Variants in ZNF592 observed in about 807,000 individuals in gnomAD.
ZNF592 encodes the protein zinc finger protein 592, also known as spinocerebellar ataxia, autosomal recessive 5.
A neutral mutation model predicts 80.3 loss-of-function variants in ZNF592; 11 were observed. The observed-to-expected ratio is 0.14, with a 90% CI of 0.09 to 0.23. The LOEUF is 0.23. Among genes scored for constraint, ZNF592 ranks in the 10% least tolerant of loss-of-function variants. ZNF592 has a pLI of 1.00. For synonymous variants in ZNF592, 646 were observed against 640.3 expected (o/e 1.01, Z -0.13); for missense variants, 1,420 against 1,633.9 (o/e 0.87, Z 2.26).
Position 84,778,215 on chromosome 15 carries a change from A to G in ZNF592, c.-117A>G. ...GAGTTTAATAGGCAAGAAGGAAGGG[A>G]GAAGACAGAAGGAAGACGCTCCCCC... On this transcript the variant is annotated 5_prime_UTR_variant, in exon 3 of 11. Transcript: ENST00000560079. The G allele has an allele frequency of 5.4e-6, 1 of 184,444 alleles. No individual in the cohort carries two copies. The highest frequency in any genetic ancestry group is 8.3e-5 in the South Asian group (1 of 12,000). 11.4% of individuals were successfully genotyped at this position (184,444 alleles called of 1,614,324 possible). A position where few individuals can be genotyped will look rare whatever the true frequency, so the allele number is the denominator to read the frequency against.
intron 5 of ZNF592, among the ~76,000 whole-genome samples, chr15:84,797,188 T>C (rs1031368344): frequency 1.3e-5 from 2 of 152,236 alleles, no homozygotes; most frequent in Non-Finnish European, 2.9e-5. Context: ...CTTGAATTCC[T>C]GGCCTCGTGT....
chr15:84,798,082 C>T lies in ZNF592; in HGVS notation c.2576+37C>T. 1.2e-6 allele frequency: 2 copies of T among 1,610,648 alleles called. No homozygotes were observed. Among genetic ancestry groups the T allele is most frequent in the Non-Finnish European group, 1.7e-6 (2 of 1,179,086 alleles). Reference sequence around the variant, plus strand: ...TCCAGGGCCAGCAGGCCCTGTGGAGCAGAGAGGAGTAGCCTGGGTGCTGTA... The same window carrying T: ...TCCAGGGCCAGCAGGCCCTGTGGAGTAGAGAGGAGTAGCCTGGGTGCTGTA... On this transcript the variant is annotated intron_variant, in intron 6 of 10. Coordinates refer to ENST00000560079, the MANE Select transcript of ZNF592 (RefSeq NM_014630.3). This position sits in a 1 kb window ranked among gnomAD's most constrained non-coding sequence, Gnocchi z 4.5.
chr15:84,776,738 A>C (rs1962263171), intron 2 of ZNF592, among the ~76,000 whole-genome samples: 1 of 152,172 alleles, frequency 6.6e-6, no homozygotes, highest in Admixed American at 6.5e-5. Flanking sequence ...CCTGGGTGAC[A>C]GAGCAAGACT....
At chr15:84,755,343 G>T (rs533783497) in intron 1 of ZNF592, among the ~76,000 whole-genome samples, 12 of 151,528 alleles carry the variant, frequency 7.9e-5, no homozygotes, top group African/African-American at 2.9e-4. Flanking sequence ...TATTGCCTAG[G>T]CTAGCCTCAA....
chr15:84,784,994 T>G lies in ZNF592; in HGVS notation c.2220+99T>G. ...AAGCTCATTGATATGGGGGCAGTGGTGGAATCTTATGAGTCTTAGAAGAGG... is the reference window on the plus strand; with the variant it reads ...AAGCTCATTGATATGGGGGCAGTGGGGGAATCTTATGAGTCTTAGAAGAGG... On this transcript the variant is annotated intron_variant, in intron 4 of 10. Coordinates refer to ENST00000560079, the MANE Select transcript of ZNF592 (RefSeq NM_014630.3). This position sits in a 1 kb window ranked among gnomAD's most constrained non-coding sequence, Gnocchi z 5.8. 1 of 1,325,222 alleles carries G rather than the reference T, an allele frequency of 7.5e-7. No homozygotes were observed. Among genetic ancestry groups the G allele is most frequent in the East Asian group, 2.3e-5 (1 of 43,148 alleles). 82.1% of individuals were successfully genotyped at this position (1,325,222 alleles called of 1,614,324 possible).
chr15:84,792,009 C>T (rs74390640), intron 5 of ZNF592, among the ~76,000 whole-genome samples: 17,632 of 152,010 alleles, frequency 0.12, 1,198 homozygotes, highest in Admixed American at 0.16. Context: ...ATATTTGCAG[C>T]AGGGGAGTGA....
chr15:84,782,793 C>T lies in ZNF592; in HGVS notation c.118C>T (p.Pro40Ser), dbSNP rs372898907. The change falls in exon 4 of 11, where the codon CCC becomes TCC. Residue 40 changes from proline to serine, a missense_variant. By Grantham distance (74) the Pro-to-Ser change is moderately conservative. This residue lies in a region of ZNF592 where 373 missense variants were observed against 355.5 expected (regional missense o/e 1.05). Transcript: ENST00000560079. The part of the protein sequence containing the change: ...IQTPSEENES[P>S]LKPPGICMDE... ...GACACCCAGTGAGGAGAATGAGAGT[C>T]CCCTCAAACCTCCAGGCATATGTAT... 5.0e-6 allele frequency: 8 copies of T among 1,614,020 alleles called. No individual in the cohort carries two copies. The South Asian group carries it at 5.5e-5, about 11-fold the overall frequency.
chr15:84,756,261 C>T (rs189456672), intron 1 of ZNF592, among the ~76,000 whole-genome samples: 5 of 152,324 alleles, frequency 3.3e-5, no homozygotes, highest in Non-Finnish European at 5.9e-5. Context: ...GAACATTTTA[C>T]CCACATTGCC....
At chr15:84,773,462 C>T (rs757598511) in intron 2 of ZNF592, among the ~76,000 whole-genome samples, 4 of 152,004 alleles carry the variant, frequency 2.6e-5, no homozygotes, top group South Asian at 2.1e-4. Flanking sequence ...CCACCCGCCT[C>T]GACCTCCCAA....
intron 1 of ZNF592, among the ~76,000 whole-genome samples, chr15:84,756,774 C>G (rs1239482596): frequency 6.6e-6 from 1 of 151,966 alleles, no homozygotes; most frequent in African/African-American, 2.4e-5. Context: ...GCTACATTGC[C>G]CTGGCTGGAT....
chr15:84,797,998 A>G lies in ZNF592; in HGVS notation c.2529A>G (p.Ala843=). The change falls in exon 6 of 11, where the codon GCA becomes GCG. Residue 843 remains alanine (A), a synonymous_variant. Coordinates refer to ENST00000560079, the MANE Select transcript of ZNF592 (RefSeq NM_014630.3). ...PMAFKTASST[A]DHSATQHPTQ... is the part of the protein sequence containing the mutation. ...CCTTCAAGACTGCCAGCAGCACTGC[A>G]GACCACAGTGCCACCCAGCACCCCA... 1 of 1,614,128 alleles carries G rather than the reference A, an allele frequency of 6.2e-7. No individual in the cohort carries two copies. Among genetic ancestry groups the G allele is most frequent in the Non-Finnish European group, 8.5e-7 (1 of 1,180,038 alleles).
At chr15:84,765,981 C>A (rs771286957) in intron 2 of ZNF592, among the ~76,000 whole-genome samples, 2 of 149,938 alleles carry the variant, frequency 1.3e-5, no homozygotes, top group African/African-American at 2.4e-5. Context: ...CACTCAGATT[C>A]GGTAGTTATC....
intron 10 of ZNF592, among the ~76,000 whole-genome samples, chr15:84,800,794 T>C (rs1379557048): frequency 1.3e-5 from 2 of 152,220 alleles, no homozygotes; most frequent in East Asian, 3.8e-4. Context: ...TAGAGAGATC[T>C]TTTGCCTTGG....
chr15:84,792,517 C>T (rs955271677), intron 5 of ZNF592, among the ~76,000 whole-genome samples: 5 of 152,182 alleles, frequency 3.3e-5, no homozygotes, highest in South Asian at 2.1e-4. Context: ...GTGGTGTGAT[C>T]GTGGCTCACT....
At chr15:84,789,903 A>G (rs146976295) in intron 4 of ZNF592, among the ~76,000 whole-genome samples, 1 of 152,266 alleles carries the variant, frequency 6.6e-6, no homozygotes, top group East Asian at 1.9e-4. Context: ...GAAGTCTTTT[A>G]CTTTTTCCCT....
In ZNF592 at chr15:84,798,593, C is replaced by T. The variant is rs763138839; in HGVS notation, c.2742C>T (p.Thr914=). 8 of 1,614,012 alleles carry T rather than the reference C, an allele frequency of 5.0e-6. No homozygotes were observed. Among genetic ancestry groups the T allele is most frequent in the Non-Finnish European group, 6.8e-6 (8 of 1,180,042 alleles). ...ATCGCTCTCCCCATCCCCAGAGCAC[C>T]CACGGTGTTCCCCGAAATGTGGACG... ...KPELMQHVKS[T]HGVPRNVDEL... Residue 914 remains threonine (T), a synonymous_variant, in exon 8 of 11, where the codon ACC becomes ACT. Coordinates refer to ENST00000560079, the MANE Select transcript of ZNF592 (RefSeq NM_014630.3). The surrounding 1 kb of genome is among the most constrained non-coding windows in gnomAD (Gnocchi z 4.5).
chr15:84,800,421 T>TG (rs1193997958), intron 10 of ZNF592, among the ~76,000 whole-genome samples: 1 of 152,178 alleles, frequency 6.6e-6, no homozygotes, highest in Non-Finnish European at 1.5e-5. Context: ...CCTGGCCCCT[T>TG]GCCCTATGAC....
At chr15:84,795,482 C>T (rs978306677) in intron 5 of ZNF592, among the ~76,000 whole-genome samples, 21 of 152,176 alleles carry the variant, frequency 1.4e-4, no homozygotes, top group African/African-American at 4.8e-4. Flanking sequence ...GAAATGTCTA[C>T]CAGATACATA....
In ZNF592 at chr15:84,783,546, T is replaced by A; in HGVS notation, c.871T>A (p.Leu291Met). Residue 291 changes from leucine (L) to methionine (M), a missense_variant, in exon 4 of 11, where the codon TTG becomes ATG. Around this residue, in one of 7 missense-constraint regions of ZNF592, gnomAD observed 373 missense variants for 355.5 expected, o/e 1.05. Coordinates refer to ENST00000560079, the MANE Select transcript of ZNF592 (RefSeq NM_014630.3). This position sits in a 1 kb window ranked among gnomAD's most constrained non-coding sequence, Gnocchi z 5.0. ...CTCTTGTGTGGCAGCCTTGGTGGCC[T>A]TGCAGGCCAAAAGAGTGGCTAGTGT... is the stretch of plus-strand genomic sequence containing the variant. ...LSSCVAALVA[L>M]QAKRVASVTK... 6.2e-7 allele frequency: 1 copy of A among 1,614,192 alleles called. No individual in the cohort carries two copies. Among genetic ancestry groups the A allele is most frequent in the East Asian group, 2.2e-5 (1 of 44,878 alleles).
Sources: allele counts gnomAD v4.1 joint callset (sites outside exome capture counted in the v4.1 genomes callset), GRCh38; gene constraint gnomAD v4.1.1; regional missense constraint gnomAD v4.1.1; non-coding constraint Gnocchi (gnomAD v3.1); transcripts MANE v1.5; gene names NCBI Gene and HGNC (gene_info 2026-07-23, HGNC 2026-07-21).